The following ADAMTS6 variants were observed in gnomAD, a reference collection of about 807,000 sequenced individuals.
The protein encoded by ADAMTS6 is A disintegrin and metalloproteinase with thrombospondin motifs 6.
A neutral mutation model predicts 144.3 loss-of-function variants in ADAMTS6; 23 were observed. The observed-to-expected ratio is 0.16, with a 90% CI of 0.11 to 0.23. The LOEUF (loss-of-function observed/expected upper bound fraction) is 0.23. ADAMTS6 is among the 10% of genes least tolerant of loss of function. The pLI is 1.00. For synonymous variants in ADAMTS6, 444 were observed against 457.5 expected (o/e 0.97, Z 0.38); for missense variants, 999 against 1,379.6 (o/e 0.72, Z 4.37).
intron 7 of ADAMTS6, among the ~76,000 whole-genome samples, chr5:65,370,998 C>A (rs1009499291): frequency 2.6e-5 from 4 of 152,144 alleles, no homozygotes; most frequent in Non-Finnish European, 5.9e-5. Context: ...TGGGAGGCAC[C>A]CCCCAGCAGG....
Position 65,214,436 on chromosome 5 carries a change from C to T in ADAMTS6, c.2575+358G>A, listed in dbSNP as rs1756756881. 1 of 358,134 alleles carries T rather than the reference C, an allele frequency of 2.8e-6. No individual in the cohort carries two copies. The allele number at this position is 358,134 out of a possible 1,614,324, so 22.2% of individuals were successfully genotyped here. On this transcript the variant is annotated intron_variant, in intron 20 of 24. Coordinates refer to ENST00000381055, the MANE Select transcript of ADAMTS6 (RefSeq NM_197941.4). This position sits in a 1 kb window ranked among gnomAD's most constrained non-coding sequence, Gnocchi z 4.6. Reference sequence around the variant, plus strand: ...TCTCATCTCCCATTACAAGAAGTTGCATCTGTGATGTCTGATTCTTGCTCA... The same window carrying T: ...TCTCATCTCCCATTACAAGAAGTTGTATCTGTGATGTCTGATTCTTGCTCA...
chr5:65,479,252 T>G (rs972889274), intron 1 of ADAMTS6, among the ~76,000 whole-genome samples: 2 of 152,208 alleles, frequency 1.3e-5, no homozygotes, highest in Admixed American at 1.3e-4. Flanking sequence ...ACCTACTGTA[T>G]GCTAAGGACA....
intron 18 of ADAMTS6, among the ~76,000 whole-genome samples, chr5:65,220,063 T>G (rs1338877393): frequency 6.6e-6 from 1 of 152,116 alleles, no homozygotes; most frequent in African/African-American, 2.4e-5. Context: ...AACCCCAAAA[T>G]AGCAGAATAT....
At chr5:65,428,225 CAAAAAAAAAAAA>C (rs759344039) in intron 7 of ADAMTS6, among the ~76,000 whole-genome samples, 1 of 58,400 alleles carries the variant, frequency 1.7e-5, no homozygotes, top group Non-Finnish European at 3.8e-5. Flanking sequence ...GACTCCATCT[CAAAAAAAAAAAA>C]AAAAAAAAAA....
intron 21 of ADAMTS6, among the ~76,000 whole-genome samples, chr5:65,189,865 T>C (rs1025596494): frequency 6.6e-6 from 1 of 152,242 alleles, no homozygotes; most frequent in East Asian, 1.9e-4. Flanking sequence ...TCACAAGACA[T>C]TTTCTTCAAT....
Position 65,242,125 on chromosome 5 carries a change from T to C in ADAMTS6, c.1912A>G (p.Asn638Asp). 1 of 1,601,946 alleles carries C rather than the reference T, an allele frequency of 6.2e-7. No homozygotes were observed. Among genetic ancestry groups the C allele is most frequent in the Non-Finnish European group, 8.5e-7 (1 of 1,172,306 alleles). ...DNMPFRGKYY[N>D]WKPYTGGGVK... ...TTACCTCCAGTATAGGGTTTCCAGT[T>C]ATAATACTTTCCTCGGAAAGGCATA... The change falls in exon 15 of 25, where the codon AAC becomes GAC. Residue 638 changes from asparagine (N) to aspartate (D), a missense_variant. Asn to Asp is a conservative substitution (Grantham distance 23). This residue lies in a region of ADAMTS6 where 619 missense variants were observed against 837.0 expected (regional missense o/e 0.74). Coordinates refer to ENST00000381055, the MANE Select transcript of ADAMTS6 (RefSeq NM_197941.4).
chr5:65,445,833 G>A (rs1758236826), intron 7 of ADAMTS6, among the ~76,000 whole-genome samples: 1 of 152,124 alleles, frequency 6.6e-6, no homozygotes, highest in Non-Finnish European at 1.5e-5. Context: ...ATAATAGTGG[G>A]CAACAGAGTG....
chr5:65,256,911 A>G (rs1760705669), intron 14 of ADAMTS6, among the ~76,000 whole-genome samples: 1 of 150,628 alleles, frequency 6.6e-6, no homozygotes, highest in Admixed American at 6.6e-5. Context: ...GTTCATCCAA[A>G]TCACTATCTG....
intron 4 of ADAMTS6, among the ~76,000 whole-genome samples, chr5:65,455,648 T>A (rs1214169475): frequency 2.7e-5 from 4 of 149,782 alleles, no homozygotes; most frequent in African/African-American, 9.9e-5. Context: ...AAAAAAAAAA[T>A]ACAAAAATTA....
At chr5:65,251,358 C>G (rs1403372134) in intron 14 of ADAMTS6, 1 of 152,376 alleles carries the variant, frequency 6.6e-6, no homozygotes, top group East Asian at 1.9e-4. Flanking sequence ...AAATTCTGCC[C>G]TCCAAACCCA....
At chr5:65,406,391 T>C (rs1754492403) in intron 7 of ADAMTS6, among the ~76,000 whole-genome samples, 1 of 152,134 alleles carries the variant, frequency 6.6e-6, no homozygotes, top group Admixed American at 6.6e-5. Context: ...CTTTTCGGCA[T>C]CTATTGAGAT....
At chr5:65,358,161 A>C (rs1477136075) in intron 7 of ADAMTS6, among the ~76,000 whole-genome samples, 2 of 151,970 alleles carry the variant, frequency 1.3e-5, no homozygotes, top group Non-Finnish European at 2.9e-5. Flanking sequence ...CTGGGGATGC[A>C]GGATGGTTCA....
chr5:65,454,445 T>C (rs1759027966), intron 4 of ADAMTS6, among the ~76,000 whole-genome samples: 1 of 152,208 alleles, frequency 6.6e-6, no homozygotes, highest in Non-Finnish European at 1.5e-5. Context: ...CTTATTTCGA[T>C]AGAATATCCT....
chr5:65,246,776 T>G (rs1324365369), intron 14 of ADAMTS6, among the ~76,000 whole-genome samples: 1 of 152,172 alleles, frequency 6.6e-6, no homozygotes, highest in African/African-American at 2.4e-5. Flanking sequence ...CCATTGTTTC[T>G]AGAATACATC....
chr5:65,461,507 A>G (rs758618240), intron 3 of ADAMTS6, among the ~76,000 whole-genome samples: 14 of 152,370 alleles, frequency 9.2e-5, no homozygotes, highest in African/African-American at 2.4e-5. Context: ...TTTGTCTAAT[A>G]GTGTTTTCCT....
intron 14 of ADAMTS6, among the ~76,000 whole-genome samples, chr5:65,244,425 C>T (rs1328986485): frequency 6.6e-6 from 1 of 152,080 alleles, no homozygotes; most frequent in African/African-American, 2.4e-5. Context: ...TCTAACAATT[C>T]TCCTAAATGG....
chr5:65,318,968 C>T (rs1021840771), intron 9 of ADAMTS6, among the ~76,000 whole-genome samples: 2 of 152,034 alleles, frequency 1.3e-5, no homozygotes, highest in Admixed American at 6.6e-5. Flanking sequence ...ACATTGCACA[C>T]CTGTATCAAA....
At chr5:65,201,854 T>A (rs1404349625) in intron 20 of ADAMTS6, among the ~76,000 whole-genome samples, 5 of 152,172 alleles carry the variant, frequency 3.3e-5, no homozygotes, top group Admixed American at 1.3e-4. Context: ...CCATAGTAGC[T>A]AGCAACCAAG....
chr5:65,178,311 G>A (rs577591691), intron 22 of ADAMTS6, among the ~76,000 whole-genome samples: 5 of 152,304 alleles, frequency 3.3e-5, no homozygotes, highest in South Asian at 4.1e-4. Flanking sequence ...CTATTTAGAC[G>A]CAATTGGAGT....
Sources: allele counts gnomAD v4.1 joint callset (sites outside exome capture counted in the v4.1 genomes callset), GRCh38; gene constraint gnomAD v4.1.1; regional missense constraint gnomAD v4.1.1; non-coding constraint Gnocchi (gnomAD v3.1); transcripts MANE v1.5; gene names NCBI Gene and HGNC (gene_info 2026-07-23, HGNC 2026-07-21).